The following GREB1L variants were observed in gnomAD, a reference collection of about 807,000 sequenced individuals.
GREB1L encodes GREB1 like retinoic acid receptor coactivator.
GREB1L carries 17 observed loss-of-function variants against 200.8 expected under a neutral mutation model. The observed-to-expected ratio is 0.08, with a 90% CI of 0.06 to 0.13. GREB1L has a LOEUF of 0.13. GREB1L is among the 10% of genes least tolerant of loss of function. The pLI, the probability that GREB1L is intolerant of heterozygous loss-of-function variation, is 1.00. For missense variants in GREB1L, 1,657 were observed against 2,367.7 expected (o/e 0.70, Z 6.23); for synonymous variants, 789 against 893.0 (o/e 0.88, Z 2.08).
At chr18:21,462,060 G>A (rs894218544) in intron 15 of GREB1L, among the ~76,000 whole-genome samples, 10 of 152,174 alleles carry the variant, frequency 6.6e-5, no homozygotes, top group African/African-American at 2.4e-4. Context: ...CAAGATGTCA[G>A]GAAGGAAGAA....
At chr18:21,283,272 T>C (rs2038301897) in intron 1 of GREB1L, among the ~76,000 whole-genome samples, 1 of 152,212 alleles carries the variant, frequency 6.6e-6, no homozygotes, top group Non-Finnish European at 1.5e-5. Context: ...GCTGAACATA[T>C]ATTTTATCAG....
intron 1 of GREB1L, among the ~76,000 whole-genome samples, chr18:21,284,867 C>T (rs764419845): frequency 2.6e-5 from 4 of 152,132 alleles, no homozygotes; most frequent in Non-Finnish European, 4.4e-5. Context: ...TTCTTTTAGC[C>T]ATCCCAGTGG....
intron 1 of GREB1L, among the ~76,000 whole-genome samples, chr18:21,302,571 T>C (rs2038634726): frequency 6.6e-6 from 1 of 152,218 alleles, no homozygotes; most frequent in South Asian, 2.1e-4. Flanking sequence ...TTCCTTACTG[T>C]ACTGCCTCAG....
intron 5 of GREB1L, among the ~76,000 whole-genome samples, chr18:21,399,893 G>A (rs2041245193): frequency 2.6e-5 from 4 of 152,120 alleles, no homozygotes; most frequent in Admixed American, 2.0e-4. Context: ...TTAGGATGTT[G>A]TGAAATATTC....
At chr18:21,472,080 C>T (rs2035505807) in intron 15 of GREB1L, among the ~76,000 whole-genome samples, 1 of 152,162 alleles carries the variant, frequency 6.6e-6, no homozygotes, top group African/African-American at 2.4e-5. Flanking sequence ...AGCAAAATTA[C>T]CTTTCTCTCC....
At chr18:21,469,579 C>T (rs757339292) in intron 15 of GREB1L, among the ~76,000 whole-genome samples, 3 of 152,058 alleles carry the variant, frequency 2.0e-5, no homozygotes, top group South Asian at 2.1e-4. Flanking sequence ...AAAATGTGGG[C>T]GTTAAGTGTG....
intron 7 of GREB1L, among the ~76,000 whole-genome samples, chr18:21,433,246 T>C (rs529797977): frequency 6.6e-6 from 1 of 152,354 alleles, no homozygotes; most frequent in South Asian, 2.1e-4. Flanking sequence ...GGATTGTTGT[T>C]TATATATATG....
intron 15 of GREB1L, among the ~76,000 whole-genome samples, chr18:21,472,488 C>T (rs1191177369): frequency 3.3e-5 from 5 of 152,150 alleles, no homozygotes; most frequent in African/African-American, 1.2e-4. Flanking sequence ...CTGAGGTCTG[C>T]CAGTGCTCTA....
Position 21,352,441 on chromosome 18 carries a change from A to AAT in GREB1L, c.-119-13575_-119-13574dup, listed in dbSNP as rs1356217083. 1.6e-3 allele frequency among the ~76,000 whole-genome samples: 240 copies of AAT among 150,714 alleles called. 2 individuals are homozygous for AAT. Among genetic ancestry groups the AAT allele is most frequent in the Non-Finnish European group, 1.9e-3 (126 of 67,658 alleles). Reference sequence around the variant, plus strand: ...TGCAGTGTGCTTTTATATATATATAAATATATATATATGTTTTTTATGCAC... The same window carrying AAT: ...TGCAGTGTGCTTTTATATATATATAAATATATATATATATGTTTTTTATGCAC... On this transcript the variant is annotated intron_variant, in intron 1 of 32. Coordinates refer to ENST00000424526, the MANE Select transcript of GREB1L (RefSeq NM_001142966.3).
At chr18:21,446,061 G>T (rs983007184) in intron 11 of GREB1L, among the ~76,000 whole-genome samples, 1 of 152,156 alleles carries the variant, frequency 6.6e-6, no homozygotes, top group Non-Finnish European at 1.5e-5. Context: ...GTCTCACTCT[G>T]TTTCCCAGGC....
At chr18:21,475,600 C>T (rs2035657248) in intron 16 of GREB1L, among the ~76,000 whole-genome samples, 1 of 152,008 alleles carries the variant, frequency 6.6e-6, no homozygotes, top group Non-Finnish European at 1.5e-5. Context: ...TCGTGATCCA[C>T]CCACCTTGGA....
chr18:21,261,345 A>C (rs1368519466), intron 1 of GREB1L, among the ~76,000 whole-genome samples: 1 of 152,080 alleles, frequency 6.6e-6, no homozygotes, highest in African/African-American at 2.4e-5. Flanking sequence ...TCTTTAAAAC[A>C]GGTCAAGATT....
At position 21,361,182 on chromosome 18, in the gene GREB1L, A is replaced by G. The variant is rs117406203; in HGVS notation, c.-119-4845A>G. ...AAACATAAAGGATATCAAAGTATAC[A>G]CTGGGAAAAGCTTGTGAAGTTCCGA... On this transcript the variant is annotated intron_variant, in intron 1 of 32. Transcript: ENST00000424526. Among the ~76,000 whole-genome samples, 25 of 152,322 alleles carry G rather than the reference A, an allele frequency of 1.6e-4. 1 individual carries two copies. In the East Asian group the frequency reaches 4.6e-3, roughly 28 times the overall value.
chr18:21,252,212 CAGA>C (rs925156699), intron 1 of GREB1L, among the ~76,000 whole-genome samples: 5 of 152,056 alleles, frequency 3.3e-5, no homozygotes, highest in Non-Finnish European at 7.4e-5. Flanking sequence ...TTAAAATTTC[CAGA>C]AGTAGTTTAT....
chr18:21,253,345 C>T (rs1422180236), intron 1 of GREB1L, among the ~76,000 whole-genome samples: 1 of 151,244 alleles, frequency 6.6e-6, no homozygotes, highest in Non-Finnish European at 1.5e-5. Context: ...CTCCACCTAC[C>T]GGGTTCAAGT....
chr18:21,517,355 T>C (rs1251148971), intron 30 of GREB1L, among the ~76,000 whole-genome samples: 3 of 152,162 alleles, frequency 2.0e-5, no homozygotes, highest in Admixed American at 6.5e-5. Flanking sequence ...TGGCAAACTT[T>C]ACATTTTTAC....
chr18:21,439,130 T>G (rs1371475774), intron 7 of GREB1L, among the ~76,000 whole-genome samples: 2 of 152,068 alleles, frequency 1.3e-5, no homozygotes, highest in African/African-American at 4.8e-5. Context: ...GCTGTGTTGG[T>G]AAATGTTGAA....
At chr18:21,354,840 C>T (rs1313605913) in intron 1 of GREB1L, among the ~76,000 whole-genome samples, 1 of 152,132 alleles carries the variant, frequency 6.6e-6, no homozygotes, top group Admixed American at 6.6e-5. Flanking sequence ...GAGAACATTG[C>T]AAGATAAGGC....
At chr18:21,498,012 A>T (rs2036621161) in intron 21 of GREB1L, among the ~76,000 whole-genome samples, 1 of 151,630 alleles carries the variant, frequency 6.6e-6, no homozygotes, top group African/African-American at 2.4e-5. Context: ...AGTAGAGATG[A>T]GGTTTCACCA....
Sources: gnomAD v4.1 joint callset for allele counts (sites outside exome capture counted in the v4.1 genomes callset) on GRCh38, gnomAD v4.1.1 for gene constraint, MANE v1.5 for transcripts, NCBI Gene and HGNC (gene_info 2026-07-23, HGNC 2026-07-21) for gene names.